CEP192: variants seen among roughly 807,000 people sequenced by gnomAD.
CEP192 encodes centrosomal protein of 192 kDa.
CEP192 carries 151 observed loss-of-function variants against 271.8 expected under a neutral mutation model. That is an observed-to-expected ratio of 0.56 (90% CI 0.49 to 0.64). CEP192 has a LOEUF of 0.64. Among genes scored for constraint, CEP192 ranks in the 30% least tolerant of loss-of-function variants. The probability of loss-of-function intolerance (pLI) is 0.00; values close to 1 mark genes in which losing one functional copy is unlikely to be tolerated. For missense variants in CEP192, 2,910 were observed against 3,020.5 expected (o/e 0.96, Z 0.86); for synonymous variants, 995 against 1,076.5 (o/e 0.92, Z 1.48).
intron 34 of CEP192, among the ~76,000 whole-genome samples, chr18:13,094,298 C>G (rs1402558593): frequency 6.6e-6 from 1 of 152,048 alleles, no homozygotes; most frequent in Non-Finnish European, 1.5e-5. Context: ...ATGCTTGTTG[C>G]CTGAATTATT....
In CEP192 at chr18:13,087,417, T is replaced by C. The variant is rs980823994; in HGVS notation, c.5878-114T>C. 10 of 932,800 alleles carry C rather than the reference T, an allele frequency of 1.1e-5. No homozygotes were observed. In the African/African-American group the frequency reaches 1.2e-4, roughly 11 times the overall value. The allele number at this position is 932,800 out of a possible 1,614,324, so 57.8% of individuals were successfully genotyped here. A position where few individuals can be genotyped will look rare whatever the true frequency, so the allele number is the denominator to read the frequency against. On this transcript the variant is annotated intron_variant, in intron 31 of 44. Coordinates refer to ENST00000506447, the MANE Select transcript of CEP192 (RefSeq NM_032142.4). ...TACTTATGTGATCTTGGAAATGCCA[T>C]GCGTATGCACTTGTGTCTGTGTCGA...
At position 13,001,551 on chromosome 18, in the gene CEP192, G is replaced by C. The variant is rs1452788820; in HGVS notation, c.259G>C (p.Glu87Gln). ...PGSQSDAEPRERLQLSFQDDD... is the reference protein window; with the variant it reads ...PGSQSDAEPRQRLQLSFQDDD... ...AAGCCAGAGTGATGCTGAACCAAGA[G>C]AGAGGTTACAGCTTAGCTTCCAGGA... Residue 87 changes from glutamate to glutamine, a missense_variant, in exon 3 of 45, where the codon GAG (glutamate) becomes CAG (glutamine). Coordinates refer to ENST00000506447, the MANE Select transcript of CEP192 (RefSeq NM_032142.4). The C allele has an allele frequency of 5.2e-6, 8 of 1,550,464 alleles. No individual in the cohort carries two copies. Among genetic ancestry groups the C allele is most frequent in the Non-Finnish European group, 7.0e-6 (8 of 1,146,682 alleles).
chr18:13,087,048 A>G lies in CEP192; in HGVS notation c.5648A>G (p.Asn1883Ser), dbSNP rs61739369. Residue 1883 changes from asparagine to serine, a missense_variant, in exon 31 of 45, where the codon AAT (asparagine) becomes AGT (serine). Asn to Ser is a conservative substitution (Grantham distance 46). Transcript: ENST00000506447. ...TTGTCTGGATATGGAGGAACAAGCAATCTTATTTTGGAAGGCGTTAAAAAA... is the reference window on the plus strand; with the variant it reads ...TTGTCTGGATATGGAGGAACAAGCAGTCTTATTTTGGAAGGCGTTAAAAAA... ...IPLSGYGGTSNLILEGVKKLS... is the reference protein window; with the variant it reads ...IPLSGYGGTSSLILEGVKKLS... 5,557 of 1,612,532 alleles carry G rather than the reference A, an allele frequency of 3.4e-3. 115 individuals are homozygous for G. The African/African-American group carries it at 0.048, about 14-fold the overall frequency.
Position 13,058,864 on chromosome 18 carries a change from A to T in CEP192, c.4258-218A>T, listed in dbSNP as rs140537422. On this transcript the variant is annotated intron_variant, in intron 20 of 44. Transcript: ENST00000506447. ...GTGCTTGCTTGGAGGTGGACTGGGG[A>T]GACAGCCTTGGTGCAGCAAGAACAT... The T allele has an allele frequency of 6.3e-4, 347 of 551,808 alleles. 1 individual carries two copies. Among genetic ancestry groups the T allele is most frequent in the Non-Finnish European group, 1.0e-3 (312 of 308,192 alleles). 34.2% of individuals were successfully genotyped at this position (551,808 alleles called of 1,614,324 possible).
At chr18:13,075,126 G>T (rs1051572809) in intron 30 of CEP192, among the ~76,000 whole-genome samples, 3 of 152,188 alleles carry the variant, frequency 2.0e-5, no homozygotes, top group Non-Finnish European at 4.4e-5. Flanking sequence ...AGGTCATGAG[G>T]CTCTGCCCTC....
At chr18:13,101,657 C>T (rs531337777) in intron 38 of CEP192, among the ~76,000 whole-genome samples, 24 of 152,226 alleles carry the variant, frequency 1.6e-4, no homozygotes, top group Admixed American at 1.0e-3. Context: ...TGTCTATCCC[C>T]AGCCTCAGCC....
At chr18:13,118,696 T>C (rs2040537771) in intron 44 of CEP192, among the ~76,000 whole-genome samples, 1 of 152,200 alleles carries the variant, frequency 6.6e-6, no homozygotes, top group Non-Finnish European at 1.5e-5. Flanking sequence ...ATTTCCTTAT[T>C]TGTAAAATGG....
Position 13,038,461 on chromosome 18 carries a change from G to C in CEP192, c.1691G>C (p.Arg564Pro), listed in dbSNP as rs949808613. ...TINYSLLRKSRSTSDLDKDDA... is the reference protein window; with the variant it reads ...TINYSLLRKSPSTSDLDKDDA... ...AATTACAGTCTGTTGAGGAAATCAC[G>C]TAGCACATCAGATTTGGATAAAGAT... The change falls in exon 13 of 45, where the codon CGT becomes CCT. Residue 564 changes from arginine (R) to proline (P), a missense_variant. Arg to Pro is a moderately radical substitution (Grantham distance 103, BLOSUM62 -2). Coordinates refer to ENST00000506447, the MANE Select transcript of CEP192 (RefSeq NM_032142.4). 4 of 1,551,404 alleles carry C rather than the reference G, an allele frequency of 2.6e-6. No individual in the cohort carries two copies. In the African/African-American group the frequency reaches 5.5e-5, roughly 21 times the overall value.
chr18:13,100,631 G>T, intron 38 of CEP192, 119 bp downstream of exon 38: 1 of 692,746 alleles, frequency 1.4e-6, no homozygotes. Flanking sequence ...GAGAAAAGTG[G>T]TCATTAGCAG....
intron 36 of CEP192, 139 bp from the exon 37 acceptor site, chr18:13,099,337 A>G: frequency 7.2e-6 from 4 of 554,138 alleles, no homozygotes; most frequent in Non-Finnish European, 9.4e-6. Flanking sequence ...TGGGAGCCGC[A>G]TGGGAGTGAG....
At chr18:13,083,730 T>G (rs1264856387) in intron 30 of CEP192, among the ~76,000 whole-genome samples, 1 of 152,226 alleles carries the variant, frequency 6.6e-6, no homozygotes, top group Non-Finnish European at 1.5e-5. Flanking sequence ...TTTTCTGCTC[T>G]GGTTTCTCCC....
chr18:13,031,243 GTTT>G (rs60557979), intron 11 of CEP192, among the ~76,000 whole-genome samples: 18 of 101,652 alleles, frequency 1.8e-4, no homozygotes, highest in Admixed American at 1.6e-3. Flanking sequence ...CCTTATTGTT[GTTT>G]TTTTTTTTTT....
At chr18:13,002,489 C>A (rs895751540) in intron 3 of CEP192, among the ~76,000 whole-genome samples, 4 of 152,098 alleles carry the variant, frequency 2.6e-5, no homozygotes, top group Non-Finnish European at 4.4e-5. Flanking sequence ...TTTATATATA[C>A]ATTTTTCGCA....
chr18:13,101,772 C>T (rs946971953), intron 38 of CEP192, among the ~76,000 whole-genome samples: 3 of 152,170 alleles, frequency 2.0e-5, no homozygotes, highest in Non-Finnish European at 4.4e-5. Flanking sequence ...AGCTCACCCA[C>T]TGAGGGCTCA....
rs749855101 is a variant in CEP192 at position 13,056,394 on chromosome 18, A to G, written c.3804A>G (p.Thr1268=). The change falls in exon 19 of 45, where the codon ACA becomes ACG. Residue 1268 remains threonine (T), a synonymous_variant. Coordinates refer to ENST00000506447, the MANE Select transcript of CEP192 (RefSeq NM_032142.4). Reference sequence around the variant, plus strand: ...CTTTTGCTCAGCGGTATTTGGGAACACTCCCTTCAACTGGAAGCACCACCT... The same window carrying G: ...CTTTTGCTCAGCGGTATTTGGGAACGCTCCCTTCAACTGGAAGCACCACCT... ...AAPFAQRYLG[T]LPSTGSTTLP... The G allele has an allele frequency of 1.5e-5, 24 of 1,613,868 alleles. No individual in the cohort carries two copies. The highest frequency in any genetic ancestry group is 2.2e-5 in the East Asian group (1 of 44,896).
chr18:13,056,777 G>A, intron 19 of CEP192, 79 bp downstream of exon 19: 1 of 1,174,764 alleles, frequency 8.5e-7, no homozygotes, highest in Non-Finnish European at 1.2e-6. Context: ...GTTTCAAGGA[G>A]TTACTGGTTA....
At chr18:13,051,890 G>T (rs1307055974) in intron 17 of CEP192, among the ~76,000 whole-genome samples, 1 of 152,224 alleles carries the variant, frequency 6.6e-6, no homozygotes, top group Non-Finnish European at 1.5e-5. Context: ...AATTTTCTGT[G>T]TACGTCCATT....
chr18:13,056,885 C>T lies in CEP192; in HGVS notation c.4108+187C>T, dbSNP rs1418464251. On this transcript the variant is annotated intron_variant, in intron 19 of 44. Coordinates refer to ENST00000506447, the MANE Select transcript of CEP192 (RefSeq NM_032142.4). ...AAAGTTGGCTTAGAAAAACGCTACA[C>T]TTATGCAGGTGACAGGCTGCCTATG... 5.3e-5 allele frequency among the ~76,000 whole-genome samples: 8 copies of T among 152,238 alleles called. No individual in the cohort carries two copies. The East Asian group carries it at 1.5e-3, about 29-fold the overall frequency.
At chr18:13,048,764 G>A in intron 15 of CEP192, 95 bp from the exon 16 acceptor site, 1 of 787,964 alleles carries the variant, frequency 1.3e-6, no homozygotes, top group Non-Finnish European at 2.0e-6. Context: ...TCCACTTGGA[G>A]GTTTTGAAAC....
Sources: gnomAD v4.1 joint callset for allele counts (sites outside exome capture counted in the v4.1 genomes callset) on GRCh38, gnomAD v4.1.1 for gene constraint, MANE v1.5 for transcripts, NCBI Gene and HGNC (gene_info 2026-07-23, HGNC 2026-07-21) for gene names.